Variants in SLC22A14 observed in about 807,000 individuals in gnomAD.
SLC22A14 encodes organic cation transporter-like 4.
In SLC22A14, 50 loss-of-function variants were observed where a neutral mutation model predicts 53.9. That is an observed-to-expected ratio of 0.93 (90% CI 0.74 to 1.17). SLC22A14 has a LOEUF of 1.17. Ranked by LOEUF, SLC22A14 falls within the 50% of genes most tolerant of loss-of-function variation. SLC22A14 has a pLI of 0.00. For synonymous variants in SLC22A14, 312 were observed against 303.0 expected (o/e 1.03, Z -0.31); for missense variants, 671 against 734.7 (o/e 0.91, Z 1.00).
intron 1 of SLC22A14, among the ~76,000 whole-genome samples, chr3:38,294,622 C>T (rs1703986744): frequency 1.3e-5 from 2 of 152,102 alleles, no homozygotes; most frequent in Admixed American, 1.3e-4. Context: ...CCTAGAGCGT[C>T]CTCTATGGTC....
intron 8 of SLC22A14, among the ~76,000 whole-genome samples, chr3:38,314,436 C>T (rs760431788): frequency 5.9e-5 from 9 of 152,232 alleles, no homozygotes; most frequent in Admixed American, 2.0e-4. Flanking sequence ...CATGGAGGCC[C>T]CTCCTTTCCA....
In SLC22A14 at chr3:38,311,043, G is replaced by A. The variant is rs963660025; in HGVS notation, c.944+1921G>A. ...AGCAAGTTCCAGCCAGAGTGGGATG[G>A]CAGATGTCCTTTTTCAAAGGCAGTC... On this transcript the variant is annotated intron_variant, in intron 5 of 10. Coordinates refer to ENST00000448498, the MANE Select transcript of SLC22A14 (RefSeq NM_001320033.2). 5.9e-5 allele frequency among the ~76,000 whole-genome samples: 9 copies of A among 152,192 alleles called. No homozygotes were observed. In the East Asian group the frequency reaches 1.7e-3, roughly 29 times the overall value.
At chr3:38,299,545 T>C (rs1482033538) in intron 1 of SLC22A14, among the ~76,000 whole-genome samples, 1 of 152,252 alleles carries the variant, frequency 6.6e-6, no homozygotes, top group Non-Finnish European at 1.5e-5. Flanking sequence ...ATTTTCCTCA[T>C]TCTTTTTTAC....
intron 1 of SLC22A14, among the ~76,000 whole-genome samples, chr3:38,302,862 A>G (rs1320096258): frequency 2.0e-5 from 3 of 152,154 alleles, no homozygotes; most frequent in African/African-American, 7.2e-5. Context: ...CCCTGAAAAA[A>G]AATTATATAA....
intron 6 of SLC22A14, 27 bp downstream of exon 6, chr3:38,313,146 G>A: frequency 6.2e-7 from 1 of 1,608,540 alleles, no homozygotes; most frequent in Non-Finnish European, 8.5e-7. Context: ...CAGGAGTGGG[G>A]CCGGAGCAGT....
At position 38,313,117 on chromosome 3, in the gene SLC22A14, G is replaced by A. The variant is rs142179232; in HGVS notation, c.1063G>A (p.Glu355Lys). 3.7e-5 allele frequency: 59 copies of A among 1,610,318 alleles called. No individual in the cohort carries two copies. Among genetic ancestry groups the A allele is most frequent in the Admixed American group, 1.3e-4 (8 of 59,484 alleles). The part of the protein sequence containing the change: ...KKTIPSNLLD[E>K]LQLPRKKVTR... ...GACCATTCCTTCAAATCTGCTGGAC[G>A]AGGTAAAGGGCTTCTGGCCAGGAGT... Residue 355 changes from glutamate (E) to lysine (K), a missense_variant and splice_region_variant, in exon 6 of 11, where the codon GAG (glutamate) becomes AAG (lysine). Transcript: ENST00000448498.
chr3:38,309,411 G>A (rs889844846), intron 5 of SLC22A14, among the ~76,000 whole-genome samples: 1 of 152,170 alleles, frequency 6.6e-6, no homozygotes, highest in African/African-American at 2.4e-5. Context: ...GGTCAGTGTT[G>A]AAGGTAAGAG....
intron 4 of SLC22A14, among the ~76,000 whole-genome samples, chr3:38,308,723 G>A (rs956329923): frequency 6.6e-6 from 1 of 152,214 alleles, no homozygotes; most frequent in African/African-American, 2.4e-5. Context: ...AGGTGGAGCG[G>A]GATGGAAGCT....
intron 1 of SLC22A14, 71 bp from the exon 2 acceptor site, chr3:38,305,956 C>T (rs1475978047): frequency 4.0e-6 from 6 of 1,485,940 alleles, no homozygotes; most frequent in Admixed American, 4.1e-5. Flanking sequence ...TAGTCGGTGG[C>T]TCCCATGCTG....
Position 38,306,464 on chromosome 3 carries a change from G to C in SLC22A14, c.438G>C (p.Gln146His), listed in dbSNP as rs771072856. 1.9e-6 allele frequency: 3 copies of C among 1,614,210 alleles called. No individual in the cohort carries two copies. In the Admixed American group the frequency reaches 5.0e-5, roughly 27 times the overall value. Residue 146 changes from glutamine to histidine, a missense_variant, in exon 2 of 11, where the codon CAG (glutamine) becomes CAC (histidine). Physicochemically the swap from Gln to His is conservative, Grantham distance 24 (BLOSUM62 0). Transcript: ENST00000448498. ...CTTGGAATCTGGATTCTATCATCCA[G>C]TTTGGCCTCAATGACACAGACACAT... ...PVPWNLDSII[Q>H]FGLNDTDTCQ...
At chr3:38,299,840 G>C (rs1020117824) in intron 1 of SLC22A14, among the ~76,000 whole-genome samples, 1 of 152,196 alleles carries the variant, frequency 6.6e-6, no homozygotes. Flanking sequence ...GGGATTACAG[G>C]TGTGAGGCAC....
chr3:38,280,084 G>A (rs529313779), upstream of SLC22A14, among the ~76,000 whole-genome samples: 2 of 152,240 alleles, frequency 1.3e-5, no homozygotes, highest in Admixed American at 6.5e-5. Context: ...TTTCCACTGC[G>A]TGTTTCATAC....
upstream of SLC22A14, among the ~76,000 whole-genome samples, chr3:38,279,415 C>A (rs978137800): frequency 2.0e-5 from 3 of 152,158 alleles, no homozygotes; most frequent in Admixed American, 6.5e-5. Flanking sequence ...GATTGTCATT[C>A]CCAGGAAGAG....
chr3:38,312,828 C>A (rs951246265), intron 5 of SLC22A14, among the ~76,000 whole-genome samples, 171 bp from the exon 6 acceptor site: 4 of 152,166 alleles, frequency 2.6e-5, no homozygotes, highest in Non-Finnish European at 4.4e-5. Flanking sequence ...GAAGGGCTGA[C>A]CACCAGGGAG....
chr3:38,312,927 G>A (rs1385049668), intron 5 of SLC22A14, 72 bp from the exon 6 acceptor site: 5 of 1,548,662 alleles, frequency 3.2e-6, no homozygotes, highest in Non-Finnish European at 4.4e-6. Flanking sequence ...CACAGCTGAG[G>A]CCACGAGAGG....
At chr3:38,310,852 G>T (rs1460069673) in intron 5 of SLC22A14, among the ~76,000 whole-genome samples, 1 of 152,104 alleles carries the variant, frequency 6.6e-6, no homozygotes, top group Non-Finnish European at 1.5e-5. Flanking sequence ...ACCCTGTTGT[G>T]GTGGGCTGCT....
rs770226733 is a variant in SLC22A14 at position 38,306,533 on chromosome 3, G to A, written c.507G>A (p.Leu169=). 6.2e-7 allele frequency: 1 copy of A among 1,611,784 alleles called. No homozygotes were observed. The highest frequency in any genetic ancestry group is 8.5e-7 in the Non-Finnish European group (1 of 1,178,562). ...ATCCTGACGCTAAGAAGCGATCGCT[G>A]ATCAATGAGGTATGTCTTGTCATGG... ...WIYPDAKKRS[L]INEFDLVCGM... is the part of the protein sequence containing the mutation. Residue 169 remains leucine, a synonymous_variant, in exon 2 of 11, where the codon CTG becomes CTA. Coordinates refer to ENST00000448498, the MANE Select transcript of SLC22A14 (RefSeq NM_001320033.2).
chr3:38,313,845 A>G lies in SLC22A14; in HGVS notation c.1282A>G (p.Ile428Val). 1 of 1,614,004 alleles carries G rather than the reference A, an allele frequency of 6.2e-7. No individual in the cohort carries two copies. The highest frequency in any genetic ancestry group is 8.5e-7 in the Non-Finnish European group (1 of 1,179,972). Residue 428 changes from isoleucine (I) to valine (V), a missense_variant, in exon 8 of 11, where the codon ATC (isoleucine) becomes GTC (valine). Physicochemically the swap from Ile to Val is conservative, Grantham distance 29. Transcript: ENST00000448498. ...GGAGGTGCCTGCCCGGCTGTGCTGCATCTTTCTCCTCCAGCAGATTGGGAG... is the reference window on the plus strand; with the variant it reads ...GGAGGTGCCTGCCCGGCTGTGCTGCGTCTTTCTCCTCCAGCAGATTGGGAG... The part of the protein sequence containing the change: ...IMEVPARLCC[I>V]FLLQQIGRKW...
At chr3:38,313,321 T>G (rs1575423734) in intron 6 of SLC22A14, 67 bp from the exon 7 acceptor site, 1 of 1,401,922 alleles carries the variant, frequency 7.1e-7, no homozygotes. Flanking sequence ...GCCTTGTGGG[T>G]GCTGTGGGGC....
Sources: gnomAD v4.1 joint callset for allele counts (sites outside exome capture counted in the v4.1 genomes callset) on GRCh38, gnomAD v4.1.1 for gene constraint, MANE v1.5 for transcripts, NCBI Gene and HGNC (gene_info 2026-07-23, HGNC 2026-07-21) for gene names.